AGAP1: variants seen among roughly 807,000 people sequenced by gnomAD.
AGAP1 encodes ArfGAP with GTPase domain, ankyrin repeat and PH domain 1, also known as arf-GAP with GTPase, ANK repeat and PH domain-containing protein 1.
In AGAP1, 29 loss-of-function variants were observed where a neutral mutation model predicts 105.3. That is an observed-to-expected ratio of 0.28 (90% CI 0.21 to 0.38). AGAP1 has a LOEUF of 0.38. Among genes scored for constraint, AGAP1 ranks in the 10% least tolerant of loss-of-function variants. AGAP1 has a pLI of 1.00. For missense variants in AGAP1, 998 were observed against 1,165.1 expected (o/e 0.86, Z 2.09); for synonymous variants, 509 against 485.9 (o/e 1.05, Z -0.63).
At chr2:235,572,005 T>TACACGCACACAC in intron 1 of AGAP1, among the ~76,000 whole-genome samples, 1 of 75,242 alleles carries the variant, frequency 1.3e-5, no homozygotes, top group Non-Finnish European at 2.5e-5. Flanking sequence ...CACACACACT[T>TACACGCACACAC]TTTTTTTTTT....
chr2:236,021,785 A>G (rs2056892591), intron 13 of AGAP1, among the ~76,000 whole-genome samples: 1 of 151,982 alleles, frequency 6.6e-6, no homozygotes, highest in Admixed American at 6.6e-5. Context: ...CGGGCCAGAC[A>G]TGGTGACTCA....
At chr2:235,670,242 G>T (rs1204235554) in intron 1 of AGAP1, 1 of 559,526 alleles carries the variant, frequency 1.8e-6, no homozygotes, top group Admixed American at 2.7e-5. Context: ...GGCTCCGGCG[G>T]CCCGGACCCA....
At chr2:235,870,667 A>G (rs1470061987) in intron 9 of AGAP1, among the ~76,000 whole-genome samples, 2 of 152,092 alleles carry the variant, frequency 1.3e-5, no homozygotes, top group Non-Finnish European at 2.9e-5. Context: ...GAGACATGGA[A>G]TAGTCACTGG....
In AGAP1 at chr2:236,120,312, G is replaced by T; in HGVS notation, c.2235G>T (p.Leu745=). 1 of 1,612,678 alleles carries T rather than the reference G, an allele frequency of 6.2e-7. No homozygotes were observed. The highest frequency in any genetic ancestry group is 8.5e-7 in the Non-Finnish European group (1 of 1,179,666). The change falls in exon 17 of 18, where the codon CTG becomes CTT. Residue 745 remains leucine (L), a synonymous_variant. Transcript: ENST00000304032. This position sits in a 1 kb window ranked among gnomAD's most constrained non-coding sequence, Gnocchi z 6.0. ...HLLRATADED[L]RTAILLLAHG... ...TGCGGGCCACCGCCGACGAGGACCT[G>T]CGGACGGCCATCCTGCTGCTGGCAC...
rs1354168467 is a variant in AGAP1, at chr2:235,983,308, TCTCCCC to T, written c.1645+14686_1645+14691del. Among the ~76,000 whole-genome samples the T allele has an allele frequency of 6.6e-6, 1 of 152,090 alleles. No individual in the cohort carries two copies. Among genetic ancestry groups the T allele is most frequent in the Non-Finnish European group, 1.5e-5 (1 of 68,024 alleles). On this transcript the variant is annotated intron_variant, in intron 13 of 17. Transcript: ENST00000304032. The surrounding 1 kb of genome is among the most constrained non-coding windows in gnomAD (Gnocchi z 4.5). The stretch of plus-strand genomic sequence containing the variant: ...GGGGCAGGGGTCTGGGCAAGGGGCT[TCTCCCC>T]TTGCTAGGCCCCCTCCTTTTGTTCA...
rs909573813 is a variant in AGAP1 at position 235,788,757 on chromosome 2, G to A, written c.674-9002G>A. On this transcript the variant is annotated intron_variant, in intron 6 of 17. Coordinates refer to ENST00000304032, the MANE Select transcript of AGAP1 (RefSeq NM_001037131.3). This position sits in a 1 kb window ranked among gnomAD's most constrained non-coding sequence, Gnocchi z 6.0. ...TTCCCAAATGGTGGGGAGAAGTGCTGGCGGAAGCAGAATGGAGCCCTCAGA... is the reference window on the plus strand; with the variant it reads ...TTCCCAAATGGTGGGGAGAAGTGCTAGCGGAAGCAGAATGGAGCCCTCAGA... 2.6e-5 allele frequency among the ~76,000 whole-genome samples: 4 copies of A among 152,188 alleles called. No homozygotes were observed. Among genetic ancestry groups the A allele is most frequent in the Non-Finnish European group, 5.9e-5 (4 of 68,034 alleles).
chr2:235,819,515 C>G (rs938187750), intron 9 of AGAP1, among the ~76,000 whole-genome samples: 32 of 152,178 alleles, frequency 2.1e-4, no homozygotes, highest in Admixed American at 2.1e-3. Flanking sequence ...CTTAGGGCTT[C>G]TTTCCTTTCC....
At position 235,734,225 on chromosome 2, in the gene AGAP1, T is replaced by C. The variant is rs1352518546; in HGVS notation, c.311-6738T>C. On this transcript the variant is annotated intron_variant, in intron 3 of 17. Coordinates refer to ENST00000304032, the MANE Select transcript of AGAP1 (RefSeq NM_001037131.3). This position sits in a 1 kb window ranked among gnomAD's most constrained non-coding sequence, Gnocchi z 5.3. Reference sequence around the variant, plus strand: ...CATGGCACTCAGTAACAAGGAATATTGTAGATGAATTTTGAAAATGTTTTT... The same window carrying C: ...CATGGCACTCAGTAACAAGGAATATCGTAGATGAATTTTGAAAATGTTTTT... Among the ~76,000 whole-genome samples the C allele has an allele frequency of 6.6e-6, 1 of 152,178 alleles. No homozygotes were observed. Among genetic ancestry groups the C allele is most frequent in the African/African-American group, 2.4e-5 (1 of 41,440 alleles).
intron 6 of AGAP1, among the ~76,000 whole-genome samples, chr2:235,776,263 G>A (rs527907812): frequency 3.3e-5 from 5 of 152,296 alleles, no homozygotes; most frequent in African/African-American, 1.2e-4. Context: ...CCTCGCAGGG[G>A]TGGTCAGGAC....
intron 13 of AGAP1, among the ~76,000 whole-genome samples, chr2:235,999,405 G>T (rs1004014762): frequency 3.7e-4 from 54 of 144,632 alleles, no homozygotes; most frequent in Non-Finnish European, 7.2e-4. Context: ...GGTGAGAGGT[G>T]GTGGTGGTGG....
At position 235,741,556 on chromosome 2, in the gene AGAP1, A is replaced by G. The variant is rs1952585480; in HGVS notation, c.396+508A>G. Among the ~76,000 whole-genome samples, 1 of 152,206 alleles carries G rather than the reference A, an allele frequency of 6.6e-6. No homozygotes were observed. The highest frequency in any genetic ancestry group is 1.5e-5 in the Non-Finnish European group (1 of 68,034). ...TCCACCGAAAGCCGGTATGAAGCATATTATGATTTCTTTGGAAGTTCCTGG... is the reference window on the plus strand; with the variant it reads ...TCCACCGAAAGCCGGTATGAAGCATGTTATGATTTCTTTGGAAGTTCCTGG... On this transcript the variant is annotated intron_variant, in intron 4 of 17. Transcript: ENST00000304032. This position sits in a 1 kb window ranked among gnomAD's most constrained non-coding sequence, Gnocchi z 4.9.
chr2:235,908,655 C>A lies in AGAP1; in HGVS notation c.1156-83C>A, dbSNP rs1051958531. The A allele has an allele frequency of 1.7e-5, 22 of 1,326,166 alleles. No individual in the cohort carries two copies. The highest frequency in any genetic ancestry group is 1.2e-4 in the African/African-American group (8 of 67,690). 82.1% of individuals were successfully genotyped at this position (1,326,166 alleles called of 1,614,324 possible). On this transcript the variant is annotated intron_variant, in intron 10 of 17. Transcript: ENST00000304032. The surrounding 1 kb of genome is among the most constrained non-coding windows in gnomAD (Gnocchi z 4.4). ...AGGGTCATAGGGTTTTAACTCATGA[C>A]GTCTGATAGACCCTTTTGTTCTAGG...
In AGAP1 at chr2:235,655,229, C is replaced by T. The variant is rs1208161277; in HGVS notation, c.164-53950C>T. Among the ~76,000 whole-genome samples, 5 of 152,108 alleles carry T rather than the reference C, an allele frequency of 3.3e-5. No individual in the cohort carries two copies. The highest frequency in any genetic ancestry group is 6.6e-5 in the Admixed American group (1 of 15,256). On this transcript the variant is annotated intron_variant, in intron 1 of 17. Transcript: ENST00000304032. The surrounding 1 kb of genome is among the most constrained non-coding windows in gnomAD (Gnocchi z 4.3). Reference sequence around the variant, plus strand: ...TACAGAAGCTGGAAGGTAGACAGGTCGTTGTCTCCATTTTTGTTCTTTAAA... The same window carrying T: ...TACAGAAGCTGGAAGGTAGACAGGTTGTTGTCTCCATTTTTGTTCTTTAAA...
chr2:236,070,769 G>A (rs550529139), intron 16 of AGAP1, among the ~76,000 whole-genome samples: 18 of 152,220 alleles, frequency 1.2e-4, no homozygotes, highest in African/African-American at 2.6e-4. Flanking sequence ...GCCCTGGGCC[G>A]GGGCAGGGGC....
chr2:235,831,461 T>C (rs1220967695), intron 9 of AGAP1, among the ~76,000 whole-genome samples: 1 of 152,236 alleles, frequency 6.6e-6, no homozygotes, highest in African/African-American at 2.4e-5. Context: ...CTAAAAATCC[T>C]GTGGTCCACC....
rs562068613 is a variant in AGAP1 at position 235,771,515 on chromosome 2, G to A, written c.673+21027G>A. ...GTGGCTTTTCAACTGGAGACATGCC[G>A]GTCTCTGCCCTGTGGAACTGGTGGC... is the stretch of plus-strand genomic sequence containing the variant. On this transcript the variant is annotated intron_variant, in intron 6 of 17. Transcript: ENST00000304032. Among the ~76,000 whole-genome samples, 3 of 152,302 alleles carry A rather than the reference G, an allele frequency of 2.0e-5. No individual in the cohort carries two copies. In the South Asian group the frequency reaches 6.2e-4, roughly 32 times the overall value.
rs962992136 is a variant in AGAP1 at position 235,615,389 on chromosome 2, A to G, written c.164-93790A>G. On this transcript the variant is annotated intron_variant, in intron 1 of 17. Transcript: ENST00000304032. This position sits in a 1 kb window ranked among gnomAD's most constrained non-coding sequence, Gnocchi z 5.0. ...ACAATTGGAGTGATCTCATATGACC[A>G]AAAGTTGGAATGATCCCATTCTTTA... Among the ~76,000 whole-genome samples, 1 of 152,216 alleles carries G rather than the reference A, an allele frequency of 6.6e-6. No individual in the cohort carries two copies. The highest frequency in any genetic ancestry group is 1.5e-5 in the Non-Finnish European group (1 of 68,036).
In AGAP1 at chr2:235,744,516, G is replaced by A. The variant is rs1952781560; in HGVS notation, c.397-182G>A. Among the ~76,000 whole-genome samples the A allele has an allele frequency of 6.6e-6, 1 of 152,164 alleles. No individual in the cohort carries two copies. Among genetic ancestry groups the A allele is most frequent in the South Asian group, 2.1e-4 (1 of 4,830 alleles). On this transcript the variant is annotated intron_variant, in intron 4 of 17. Transcript: ENST00000304032. This position sits in a 1 kb window ranked among gnomAD's most constrained non-coding sequence, Gnocchi z 5.2. Reference sequence around the variant, plus strand: ...CCAAGGGGAACACCAGGCATGGTGTGCTCAGGAGGAGGACGTGGATGCCGT... The same window carrying A: ...CCAAGGGGAACACCAGGCATGGTGTACTCAGGAGGAGGACGTGGATGCCGT...
In AGAP1 at chr2:235,622,752, T is replaced by C. The variant is rs2149273203; in HGVS notation, c.164-86427T>C. Among the ~76,000 whole-genome samples, 1 of 152,208 alleles carries C rather than the reference T, an allele frequency of 6.6e-6. No homozygotes were observed. Among genetic ancestry groups the C allele is most frequent in the East Asian group, 1.9e-4 (1 of 5,176 alleles). On this transcript the variant is annotated intron_variant, in intron 1 of 17. Coordinates refer to ENST00000304032, the MANE Select transcript of AGAP1 (RefSeq NM_001037131.3). The surrounding 1 kb of genome is among the most constrained non-coding windows in gnomAD (Gnocchi z 5.0). ...TAGCGCGCTCACGTATGCCAGACTC[T>C]TCTTAGCGCTAAGCCATTTTCCCAG...
Sources: gnomAD v4.1 joint callset for allele counts (sites outside exome capture counted in the v4.1 genomes callset) on GRCh38, gnomAD v4.1.1 for gene constraint, Gnocchi (gnomAD v3.1) non-coding constraint, MANE v1.5 for transcripts, NCBI Gene and HGNC (gene_info 2026-07-23, HGNC 2026-07-21) for gene names.